The following PTCHD4 variants were observed in gnomAD, a reference collection of about 807,000 sequenced individuals.
PTCHD4 encodes the protein patched domain containing 4.
A neutral mutation model predicts 58.1 loss-of-function variants in PTCHD4; 33 were observed. The observed-to-expected ratio is 0.57, with a 90% CI of 0.43 to 0.76. The LOEUF is 0.76. Ranked by LOEUF, PTCHD4 falls within the 30% of genes least tolerant of loss-of-function variation. The pLI, the probability that PTCHD4 is intolerant of heterozygous loss-of-function variation, is 0.00. For missense variants in PTCHD4, 1,058 were observed against 1,027.1 expected, an observed-to-expected ratio of 1.03 and a Z score of -0.41; for synonymous variants, 478 against 409.6, an observed-to-expected ratio of 1.17 and a Z score of -2.02.
intron 4 of PTCHD4, among the ~76,000 whole-genome samples, chr6:47,910,308 T>C (rs1765028832): frequency 6.6e-6 from 1 of 152,130 alleles, no homozygotes; most frequent in South Asian, 2.1e-4. Context: ...TCAAAACACC[T>C]CCACAAGATG....
chr6:47,942,670 A>G (rs1319730605), intron 4 of PTCHD4, among the ~76,000 whole-genome samples: 1 of 152,154 alleles, frequency 6.6e-6, no homozygotes, highest in Non-Finnish European at 1.5e-5. Context: ...AAATAACCAG[A>G]TCTCCTCATA....
intron 4 of PTCHD4, among the ~76,000 whole-genome samples, chr6:47,898,945 C>G (rs1418121463): frequency 1.3e-5 from 2 of 152,196 alleles, no homozygotes; most frequent in African/African-American, 2.4e-5. Flanking sequence ...GGGTCATGCT[C>G]TCCCTGGAGA....
intron 4 of PTCHD4, among the ~76,000 whole-genome samples, chr6:47,919,986 C>T (rs1765381018): frequency 6.6e-6 from 1 of 151,926 alleles, no homozygotes; most frequent in Non-Finnish European, 1.5e-5. Flanking sequence ...TGCTGCACTT[C>T]GAGGACTTAG....
At chr6:47,953,173 G>A (rs1025037792) in intron 4 of PTCHD4, among the ~76,000 whole-genome samples, 1 of 152,038 alleles carries the variant, frequency 6.6e-6, no homozygotes, top group Admixed American at 6.6e-5. Context: ...ATGTTCTCCT[G>A]AGAGTTTATG....
chr6:48,039,459 G>A (rs983175688), intron 3 of PTCHD4, among the ~76,000 whole-genome samples: 1 of 152,118 alleles, frequency 6.6e-6, no homozygotes, highest in Non-Finnish European at 1.5e-5. Flanking sequence ...GGAGGTGAAA[G>A]TATGTTTCTG....
At chr6:47,961,576 G>C (rs1370282143) in intron 4 of PTCHD4, among the ~76,000 whole-genome samples, 2 of 152,074 alleles carry the variant, frequency 1.3e-5, no homozygotes, top group Non-Finnish European at 2.9e-5. Context: ...TTACAGGTAT[G>C]AGCCACCTTG....
chr6:47,922,777 A>G (rs1395102417), intron 4 of PTCHD4, among the ~76,000 whole-genome samples: 1 of 152,180 alleles, frequency 6.6e-6, no homozygotes, highest in Non-Finnish European at 1.5e-5. Flanking sequence ...CCTAGCTCAG[A>G]GCTCAGTCCC....
At chr6:47,932,338 TCAGA>T (rs1765850898) in intron 4 of PTCHD4, among the ~76,000 whole-genome samples, 2 of 152,182 alleles carry the variant, frequency 1.3e-5, no homozygotes, top group Non-Finnish European at 2.9e-5. Context: ...TGACTCAAGT[TCAGA>T]CAAAGGAAAG....
rs1380459245 is a variant in PTCHD4 at position 47,879,137 on chromosome 6, A to G, written c.1698T>C (p.Ser566=). The change falls in exon 5 of 5, where the codon AGT becomes AGC. Residue 566 remains serine (S), a synonymous_variant. Transcript: ENST00000339488. ...AGCTTTGCAGGACACTGATGAAGTC[A>G]CTTTTGTTATTGGCACTGACGTTGC... ...KVSNVSANNK[S]DFISVLQSSF... is the part of the protein sequence containing the mutation. 1 of 1,612,164 alleles carries G rather than the reference A, an allele frequency of 6.2e-7. No homozygotes were observed. Among genetic ancestry groups the G allele is most frequent in the South Asian group, 1.1e-5 (1 of 91,056 alleles).
At chr6:47,912,377 T>C (rs1355663092) in intron 4 of PTCHD4, among the ~76,000 whole-genome samples, 1 of 152,042 alleles carries the variant, frequency 6.6e-6, no homozygotes. Context: ...AGTTCTCAGT[T>C]GGACAGGTTA....
intron 4 of PTCHD4, among the ~76,000 whole-genome samples, chr6:47,925,144 ATATATG>A (rs1191675403): frequency 6.7e-6 from 1 of 150,278 alleles, no homozygotes; most frequent in Non-Finnish European, 1.5e-5. Flanking sequence ...TGCTTTTAAT[ATATATG>A]TATATGTGTT....
intron 3 of PTCHD4, among the ~76,000 whole-genome samples, chr6:48,031,261 T>C (rs539691109): frequency 6.6e-6 from 1 of 152,204 alleles, no homozygotes; most frequent in Admixed American, 6.5e-5. Context: ...GCAAGAATCC[T>C]ATCATATCAG....
intron 3 of PTCHD4, among the ~76,000 whole-genome samples, chr6:48,050,106 A>G (rs1764177262): frequency 2.0e-5 from 3 of 152,024 alleles, no homozygotes; most frequent in African/African-American, 7.2e-5. Context: ...TAGAAAAAGG[A>G]ATAATGGAAC....
intron 4 of PTCHD4, among the ~76,000 whole-genome samples, chr6:47,950,581 T>C (rs1258219577): frequency 6.6e-6 from 1 of 152,154 alleles, no homozygotes; most frequent in African/African-American, 2.4e-5. Context: ...AGATTTTCAA[T>C]GAGGTTTTAA....
chr6:47,968,404 G>A (rs114167758), intron 4 of PTCHD4, among the ~76,000 whole-genome samples: 2,658 of 152,240 alleles, frequency 0.017, 40 homozygotes, highest in South Asian at 0.054. Context: ...GAAATAGTGC[G>A]AGAATTAACA....
chr6:48,068,494 G>C lies in PTCHD4; in HGVS notation c.153C>G (p.Ile51Met). 1.2e-6 allele frequency: 2 copies of C among 1,613,440 alleles called. No individual in the cohort carries two copies. The highest frequency in any genetic ancestry group is 1.3e-5 in the African/African-American group (1 of 75,044). The change falls in exon 3 of 5, where the codon ATC becomes ATG. Residue 51 changes from isoleucine (I) to methionine (M), a missense_variant. By Grantham distance (10) the Ile-to-Met change is conservative. Coordinates refer to ENST00000339488, the MANE Select transcript of PTCHD4 (RefSeq NM_001384253.1). The surrounding 1 kb of genome is among the most constrained non-coding windows in gnomAD (Gnocchi z 4.2). Reference protein sequence around the residue: ...FFLTVPAVLTITFGLSALNRF... With the variant: ...FFLTVPAVLTMTFGLSALNRF... ...GGTTGAGCGCGCTGAGGCCGAAGGT[G>C]ATTGTCAGGACTGCGGGCACGGTGA...
chr6:47,898,895 G>A (rs1764610471), intron 4 of PTCHD4, among the ~76,000 whole-genome samples: 1 of 152,316 alleles, frequency 6.6e-6, no homozygotes, highest in South Asian at 2.1e-4. Context: ...TGGTTTTGGG[G>A]ACATTAGGTG....
In PTCHD4 at chr6:47,868,861, T is replaced by C. The variant is rs557637302; in HGVS notation, c.*9442A>G. ...GAAAAAAGCAGAATAAAATTAATAATTAAAATACTAAATTTGGACAGGAAA... is the reference window on the plus strand; with the variant it reads ...GAAAAAAGCAGAATAAAATTAATAACTAAAATACTAAATTTGGACAGGAAA... On this transcript the variant is annotated 3_prime_UTR_variant, in exon 5 of 5. Transcript: ENST00000339488. Among the ~76,000 whole-genome samples the C allele has an allele frequency of 4.1e-4, 62 of 151,786 alleles. 1 individual carries two copies. The South Asian group carries it at 4.8e-3, about 12-fold the overall frequency.
chr6:47,897,940 CTTTTTTTT>C (rs67063892), intron 4 of PTCHD4, among the ~76,000 whole-genome samples: 2 of 76,358 alleles, frequency 2.6e-5, no homozygotes, highest in East Asian at 4.7e-4. Context: ...TTCTTTCTTT[CTTTTTTTT>C]TTTTTTTTTT....
Sources: allele counts gnomAD v4.1 joint callset (sites outside exome capture counted in the v4.1 genomes callset), GRCh38; gene constraint gnomAD v4.1.1; non-coding constraint Gnocchi (gnomAD v3.1); transcripts MANE v1.5; gene names NCBI Gene and HGNC (gene_info 2026-07-23, HGNC 2026-07-21).